MYO16: variants seen among roughly 807,000 people sequenced by gnomAD.
The protein encoded by MYO16 is unconventional myosin-XVI.
In MYO16, 94 loss-of-function variants were observed where a neutral mutation model predicts 205.3. The ratio of observed to expected loss-of-function variants is 0.46; its 90% CI spans 0.39 to 0.54. The LOEUF is 0.54. MYO16 is among the 20% of genes least tolerant of loss of function. The probability of loss-of-function intolerance (pLI) is 0.00; values close to 1 mark genes in which losing one functional copy is unlikely to be tolerated. For synonymous variants in MYO16, 988 were observed against 954.0 expected, an observed-to-expected ratio of 1.04 and a Z score of -0.66; for missense variants, 2,315 against 2,387.5, an observed-to-expected ratio of 0.97 and a Z score of 0.63.
At chr13:108,885,679 T>G (rs1027146560) in intron 13 of MYO16, among the ~76,000 whole-genome samples, 2 of 152,228 alleles carry the variant, frequency 1.3e-5, no homozygotes, top group South Asian at 4.1e-4. Flanking sequence ...ATTATTTCTA[T>G]GTATTATTTA....
chr13:108,787,350 T>A (rs915130141), intron 5 of MYO16, among the ~76,000 whole-genome samples: 6 of 152,232 alleles, frequency 3.9e-5, no homozygotes, highest in African/African-American at 1.4e-4. Context: ...ATGTCAAATT[T>A]TTAAAAAGTA....
the MYO16 span, among the ~76,000 whole-genome samples, chr13:108,587,866 A>G: frequency 5.9e-5 from 9 of 152,216 alleles, no homozygotes; most frequent in Non-Finnish European, 1.2e-4. Flanking sequence ...AGAAGCTATC[A>G]TCTGGGTCAT....
chr13:108,547,097 C>A, the MYO16 span, among the ~76,000 whole-genome samples: 1 of 151,800 alleles, frequency 6.6e-6, no homozygotes, highest in African/African-American at 2.4e-5. Context: ...ACAGTGAAAC[C>A]CCATCTCTAC....
chr13:108,574,029 T>G, the MYO16 span, among the ~76,000 whole-genome samples: 1 of 152,124 alleles, frequency 6.6e-6, no homozygotes, highest in Non-Finnish European at 1.5e-5. Context: ...TTTTCTATTA[T>G]TTTTGTAAAG....
At chr13:109,167,840 C>T (rs535507260) in intron 33 of MYO16, among the ~76,000 whole-genome samples, 40 of 151,730 alleles carry the variant, frequency 2.6e-4, no homozygotes, top group African/African-American at 9.4e-4. Flanking sequence ...AACTGCCCCC[C>T]AAAAATTCCT....
intron 4 of MYO16, among the ~76,000 whole-genome samples, chr13:108,745,143 G>A (rs1457602096): frequency 6.6e-6 from 1 of 152,160 alleles, no homozygotes; most frequent in Non-Finnish European, 1.5e-5. Flanking sequence ...AGAGAACTAA[G>A]TTTGTAAGAA....
chr13:108,976,667 T>C (rs1208278295), intron 20 of MYO16, among the ~76,000 whole-genome samples: 1 of 152,224 alleles, frequency 6.6e-6, no homozygotes, highest in Non-Finnish European at 1.5e-5. Context: ...TAAATGAATT[T>C]ATGTTTATAA....
intron 33 of MYO16, among the ~76,000 whole-genome samples, chr13:109,170,361 C>T (rs1208701588): frequency 6.6e-6 from 1 of 152,122 alleles, no homozygotes; most frequent in African/African-American, 2.4e-5. Context: ...TCTAGAATTA[C>T]AGACCCGCCT....
chr13:108,605,201 A>G (rs1022052373), intron 1 of MYO16, among the ~76,000 whole-genome samples: 4 of 152,230 alleles, frequency 2.6e-5, no homozygotes, highest in Admixed American at 2.6e-4. Context: ...CTCCTGTGAA[A>G]GAACTATATT....
intron 28 of MYO16, among the ~76,000 whole-genome samples, chr13:109,106,148 G>T (rs750685429): frequency 2.6e-5 from 4 of 152,206 alleles, no homozygotes; most frequent in Non-Finnish European, 5.9e-5. Flanking sequence ...TGTCGCAGCA[G>T]ATATAGTTTT....
chr13:108,678,914 T>C (rs1882341048), intron 2 of MYO16, among the ~76,000 whole-genome samples: 1 of 152,158 alleles, frequency 6.6e-6, no homozygotes, highest in Non-Finnish European at 1.5e-5. Context: ...GCAAGTTTGA[T>C]GTCTGGTGAG....
At chr13:108,847,313 C>T (rs1877573034) in intron 10 of MYO16, among the ~76,000 whole-genome samples, 2 of 152,160 alleles carry the variant, frequency 1.3e-5, no homozygotes, top group African/African-American at 4.8e-5. Flanking sequence ...GAGGAAGTGG[C>T]AGCTACACAG....
intron 31 of MYO16, among the ~76,000 whole-genome samples, chr13:109,137,604 T>G (rs188473117): frequency 2.9e-4 from 44 of 152,316 alleles, no homozygotes; most frequent in Admixed American, 1.0e-3. Context: ...GTTGGCTGCT[T>G]TGGGGAACCC....
chr13:108,772,904 T>C (rs530847802), intron 4 of MYO16, among the ~76,000 whole-genome samples: 4 of 152,272 alleles, frequency 2.6e-5, no homozygotes, highest in Admixed American at 2.0e-4. Flanking sequence ...AGTTTGGATG[T>C]CTTAGTCTGT....
At chr13:109,040,569 A>G (rs1045698234) in intron 23 of MYO16, among the ~76,000 whole-genome samples, 6 of 152,114 alleles carry the variant, frequency 3.9e-5, no homozygotes, top group East Asian at 3.8e-4. Context: ...CTCAAAATCT[A>G]TCAAGGTAAT....
At chr13:108,860,010 CTT>C (rs111789965) in intron 11 of MYO16, among the ~76,000 whole-genome samples, 1 of 146,516 alleles carries the variant, frequency 6.8e-6, no homozygotes, top group Non-Finnish European at 1.5e-5. Context: ...AGCAGAGCCT[CTT>C]TTTTTTTTTA....
intron 25 of MYO16, among the ~76,000 whole-genome samples, chr13:109,053,023 C>T (rs1594505200): frequency 6.6e-6 from 1 of 151,916 alleles, no homozygotes; most frequent in African/African-American, 2.4e-5. Flanking sequence ...TTCTATGTGC[C>T]AAAAGAGAAC....
rs1315399500 is a variant in MYO16, at chr13:109,117,231, A to G, written c.3439-3139A>G. On this transcript the variant is annotated intron_variant, in intron 28 of 34. Transcript: ENST00000457511. ...ATCATCTGTCTCTGTGACTCACTTT[A>G]TGCAAGGGCTTCACAATTCTTTATC... Among the ~76,000 whole-genome samples, 3 of 151,882 alleles carry G rather than the reference A, an allele frequency of 2.0e-5. No homozygotes were observed. In the East Asian group the frequency reaches 5.8e-4, roughly 29 times the overall value.
rs758061790 is a variant in MYO16, at chr13:108,844,377, A to C, written c.1132A>C (p.Ser378Arg). ...PLVLPIAKQDSLLEKDIMFKD... is the reference protein window; with the variant it reads ...PLVLPIAKQDRLLEKDIMFKD... ...GGTGTTACCAATTGCCAAGCAAGAC[A>C]GTTTGTTGGAAAAAGACATTATGTT... is the stretch of plus-strand genomic sequence containing the variant. Residue 378 changes from serine (S) to arginine (R), a missense_variant, in exon 10 of 35, where the codon AGT becomes CGT. Physicochemically the swap from Ser to Arg is moderately radical, Grantham distance 110. This residue lies in a region of MYO16 where 1,213 missense variants were observed against 1,274.4 expected (regional missense o/e 0.95). Transcript: ENST00000457511. 6.2e-7 allele frequency: 1 copy of C among 1,613,496 alleles called. No individual in the cohort carries two copies. Among genetic ancestry groups the C allele is most frequent in the Admixed American group, 1.7e-5 (1 of 59,964 alleles).
Sources: gnomAD v4.1 joint callset for allele counts (sites outside exome capture counted in the v4.1 genomes callset) on GRCh38, gnomAD v4.1.1 for gene constraint, gnomAD v4.1.1 regional missense constraint, MANE v1.5 for transcripts, NCBI Gene and HGNC (gene_info 2026-07-23, HGNC 2026-07-21) for gene names.